Variants in PNLIPRP1 observed in about 807,000 individuals in gnomAD.
PNLIPRP1 encodes inactive pancreatic lipase-related protein 1.
In PNLIPRP1, 57 loss-of-function variants were observed where a neutral mutation model predicts 54.6. That is an observed-to-expected ratio of 1.04 (90% CI 0.84 to 1.30). PNLIPRP1 has a LOEUF of 1.30. Among genes scored for constraint, PNLIPRP1 ranks in the 50% most tolerant of loss-of-function variants. PNLIPRP1 has a pLI of 0.00. For synonymous variants in PNLIPRP1, 232 were observed against 208.8 expected (o/e 1.11, Z -0.96); for missense variants, 567 against 568.5 (o/e 1.00, Z 0.03).
In PNLIPRP1 at chr10:116,597,854, G is replaced by A. The variant is rs200926030; in HGVS notation, c.601G>A (p.Glu201Lys). The A allele has an allele frequency of 2.2e-5, 35 of 1,614,020 alleles. No homozygotes were observed. Among genetic ancestry groups the A allele is most frequent in the East Asian group, 6.7e-5 (3 of 44,898 alleles). Residue 201 changes from glutamate (E) to lysine (K), a missense_variant, in exon 7 of 13, where the codon GAG becomes AAG. By Grantham distance (56) the Glu-to-Lys change is moderately conservative (BLOSUM62 1). Transcript: ENST00000358834. The stretch of plus-strand genomic sequence containing the variant: ...GTTGGATCCTGTAGAAGCAAGTTTC[G>A]AGAGTACTCCTGAAGAGGTGCGACT... Reference protein sequence around the residue: ...TGLDPVEASFESTPEEVRLDP... With the variant: ...TGLDPVEASFKSTPEEVRLDP...
intron 2 of PNLIPRP1, 130 bp from the exon 3 acceptor site, chr10:116,591,641 G>A (rs1847638757): frequency 2.3e-6 from 2 of 872,198 alleles, no homozygotes; most frequent in African/African-American, 1.7e-5. Flanking sequence ...GAGTGGGAGG[G>A]GTTGCAGTAG....
At position 116,591,941 on chromosome 10, in the gene PNLIPRP1, T is replaced by C. The variant is rs371479923; in HGVS notation, c.204+16T>C. On this transcript the variant is annotated intron_variant, in intron 3 of 12. Transcript: ENST00000358834. ...CAACTTTCAAGTGAGACCTCTGTCA[T>C]TTAAATGTCACTGTAACTGGCACGG... 13 of 1,613,888 alleles carry C rather than the reference T, an allele frequency of 8.1e-6. No homozygotes were observed. In the African/African-American group the frequency reaches 1.7e-4, roughly 22 times the overall value.
At chr10:116,608,971 C>G (rs950784278) in intron 12 of PNLIPRP1, 82 bp from the exon 13 acceptor site, 2 of 1,143,172 alleles carry the variant, frequency 1.7e-6, no homozygotes, top group East Asian at 4.7e-5. Flanking sequence ...CCAAACCAAA[C>G]CAAACCAAAC....
rs1383447411 is a variant in PNLIPRP1 at position 116,599,262 on chromosome 10, A to AAAAT, written c.815-781_815-778dup. Reference sequence around the variant, plus strand: ...AAGAGCGAAACTCCATCTCGAAAATAAAATAAAATAAAATAAAATAAAATA... The same window carrying AAAAT: ...AAGAGCGAAACTCCATCTCGAAAATAAAATAAATAAAATAAAATAAAATAAAATA... On this transcript the variant is annotated intron_variant, in intron 8 of 12. Transcript: ENST00000358834. Among the ~76,000 whole-genome samples, 176 of 54,004 alleles carry AAAAT rather than the reference A, an allele frequency of 3.3e-3. 1 individual carries two copies. The highest frequency in any genetic ancestry group is 6.2e-3 in the African/African-American group (169 of 27,172). The allele number at this position is 54,004 out of a possible 152,430, so 35.4% of individuals were successfully genotyped here. A position where few individuals can be genotyped will look rare whatever the true frequency, so the allele number is the denominator to read the frequency against.
intron 6 of PNLIPRP1, among the ~76,000 whole-genome samples, chr10:116,597,482 C>T (rs186015635): frequency 2.0e-5 from 3 of 152,298 alleles, no homozygotes; most frequent in South Asian, 2.1e-4. Flanking sequence ...TACCACATTG[C>T]TTCACCCCTT....
intron 5 of PNLIPRP1, chr10:116,595,911 T>G: frequency 3.9e-6 from 1 of 257,910 alleles, no homozygotes; most frequent in Non-Finnish European, 7.5e-6. Context: ...AGTCTGTTGA[T>G]GTTAGCTGGC....
intron 12 of PNLIPRP1, among the ~76,000 whole-genome samples, chr10:116,606,846 C>T (rs1847943687): frequency 6.6e-6 from 1 of 152,186 alleles, no homozygotes; most frequent in African/African-American, 2.4e-5. Flanking sequence ...GCTCCCCTCG[C>T]TGTCTGCTCC....
chr10:116,597,791 AG>A, intron 6 of PNLIPRP1, 36 bp from the exon 7 acceptor site: 1 of 1,613,472 alleles, frequency 6.2e-7, no homozygotes, highest in Non-Finnish European at 8.5e-7. Context: ...ATCTACAGTC[AG>A]GTCTATTGTT....
intron 12 of PNLIPRP1, among the ~76,000 whole-genome samples, chr10:116,607,278 C>A (rs12244715): frequency 0.37 from 55,631 of 151,598 alleles, 10,517 homozygotes; most frequent in East Asian, 0.51. Context: ...TGACTTTATT[C>A]AGTACCTATT....
At chr10:116,599,710 A>T (rs1282483973) in intron 8 of PNLIPRP1, among the ~76,000 whole-genome samples, 1 of 152,100 alleles carries the variant, frequency 6.6e-6, no homozygotes, top group East Asian at 1.9e-4. Context: ...CAGCTTTCCC[A>T]CCTATTAGCT....
intron 10 of PNLIPRP1, among the ~76,000 whole-genome samples, chr10:116,602,953 AC>A (rs1419535918): frequency 1.5e-5 from 2 of 133,232 alleles, no homozygotes; most frequent in African/African-American, 5.5e-5. Flanking sequence ...GTGTGTGTGC[AC>A]ATGCACATGT....
Position 116,609,035 on chromosome 10 carries a change from G to C in PNLIPRP1, c.1341-18G>C. 1 of 1,598,960 alleles carries C rather than the reference G, an allele frequency of 6.3e-7. No homozygotes were observed. Among genetic ancestry groups the C allele is most frequent in the Non-Finnish European group, 8.6e-7 (1 of 1,166,162 alleles). ...CTAAGGTGACCCAAACTCTTACAAA[G>C]CTTCCTTTTCTCCCCAGGTACAACT... On this transcript the variant is annotated intron_variant, in intron 12 of 12. Coordinates refer to ENST00000358834, the MANE Select transcript of PNLIPRP1 (RefSeq NM_006229.4).
intron 3 of PNLIPRP1, 87 bp from the exon 4 acceptor site, chr10:116,592,329 A>G (rs1847653254): frequency 2.1e-6 from 3 of 1,435,806 alleles, no homozygotes; most frequent in Non-Finnish European, 9.4e-7. Flanking sequence ...TGAAAAGTAG[A>G]GGCATTGGCG....
Position 116,596,343 on chromosome 10 carries a change from C to T in PNLIPRP1, c.574+21C>T, listed in dbSNP as rs1182043219. On this transcript the variant is annotated intron_variant, in intron 6 of 12. Transcript: ENST00000358834. ...TACAGGTAAGGCCCCAGAGGCAGGG[C>T]CCCAGTTTTGTCCCCAGAAACCCCA... 3.7e-5 allele frequency: 55 copies of T among 1,487,758 alleles called. No homozygotes were observed. In the Admixed American group the frequency reaches 8.9e-4, roughly 24 times the overall value. The allele number at this position is 1,487,758 out of a possible 1,614,324, so 92.2% of individuals were successfully genotyped here.
chr10:116,598,674 C>A (rs1847778281), intron 8 of PNLIPRP1, among the ~76,000 whole-genome samples: 1 of 152,144 alleles, frequency 6.6e-6, no homozygotes, highest in Admixed American at 6.5e-5. Flanking sequence ...GAATGAGGAG[C>A]AATCACAGTT....
At chr10:116,595,855 A>G in intron 5 of PNLIPRP1, 1 of 192,208 alleles carries the variant, frequency 5.2e-6, no homozygotes, top group Non-Finnish European at 1.1e-5. Context: ...AAAGGGCTTA[A>G]GGAGGTCTCC....
Position 116,604,110 on chromosome 10 carries a change from G to A in PNLIPRP1, c.1144G>A (p.Gly382Arg), listed in dbSNP as rs782209429. The A allele has an allele frequency of 3.1e-6, 5 of 1,609,488 alleles. No homozygotes were observed. The South Asian group carries it at 4.4e-5, about 14-fold the overall frequency. The change falls in exon 11 of 13, where the codon GGA becomes AGA. Residue 382 changes from glycine to arginine, a missense_variant. Coordinates refer to ENST00000358834, the MANE Select transcript of PNLIPRP1 (RefSeq NM_006229.4). Reference sequence around the variant, plus strand: ...CAAAGTTGCTTTGTTTGGAAATAAGGGAAACACTCACCAGTACAGTATCTT... The same window carrying A: ...CAAAGTTGCTTTGTTTGGAAATAAGAGAAACACTCACCAGTACAGTATCTT... ...QIKVALFGNK[G>R]NTHQYSIFRG...
chr10:116,601,674 G>C (rs1847842327), intron 10 of PNLIPRP1, among the ~76,000 whole-genome samples: 3 of 152,186 alleles, frequency 2.0e-5, no homozygotes, highest in Admixed American at 6.5e-5. Flanking sequence ...CGCTGGTGGA[G>C]TGCAGGCAGG....
At chr10:116,607,881 A>ATC (rs1481527536) in intron 12 of PNLIPRP1, among the ~76,000 whole-genome samples, 9 of 152,114 alleles carry the variant, frequency 5.9e-5, no homozygotes, top group African/African-American at 1.9e-4. Context: ...CTGAGATGGA[A>ATC]TCTCGCTCTG....
Sources: gnomAD v4.1 joint callset for allele counts (sites outside exome capture counted in the v4.1 genomes callset) on GRCh38, gnomAD v4.1.1 for gene constraint, MANE v1.5 for transcripts, NCBI Gene and HGNC (gene_info 2026-07-23, HGNC 2026-07-21) for gene names.